The following CMTM6 variants were observed in gnomAD, a reference collection of about 807,000 sequenced individuals.
CMTM6 encodes CKLF like MARVEL transmembrane domain containing 6.
Under a neutral mutation model 13.6 loss-of-function variants are expected in CMTM6, and 5 were observed. The observed-to-expected ratio is 0.37, with a 90% CI of 0.19 to 0.77. CMTM6 has a LOEUF of 0.77. Among genes scored for constraint, CMTM6 ranks in the 30% least tolerant of loss-of-function variants. The pLI is 0.50. For synonymous variants in CMTM6, 99 were observed against 84.5 expected (o/e 1.17, Z -0.94); for missense variants, 196 against 218.6 (o/e 0.90, Z 0.65).
chr3:32,500,705 C>T (rs1697337215), intron 1 of CMTM6, among the ~76,000 whole-genome samples: 1 of 152,156 alleles, frequency 6.6e-6, no homozygotes, highest in Non-Finnish European at 1.5e-5. Flanking sequence ...TCTTCTATAA[C>T]AGCAATAAGG....
At chr3:32,495,712 T>C (rs897479154) in intron 1 of CMTM6, among the ~76,000 whole-genome samples, 29 of 152,194 alleles carry the variant, frequency 1.9e-4, no homozygotes, top group Non-Finnish European at 3.7e-4. Flanking sequence ...GCTTGTCTAC[T>C]TTCAGTAAAA....
intron 1 of CMTM6, among the ~76,000 whole-genome samples, chr3:32,495,395 T>G (rs181927794): frequency 4.6e-5 from 7 of 152,324 alleles, no homozygotes; most frequent in Admixed American, 3.9e-4. Flanking sequence ...TCTCCTATAA[T>G]CATACTTACA....
chr3:32,486,048 T>G (rs1697200948), intron 3 of CMTM6, among the ~76,000 whole-genome samples: 1 of 152,192 alleles, frequency 6.6e-6, no homozygotes, highest in Non-Finnish European at 1.5e-5. Flanking sequence ...CGGCTAAGTT[T>G]TGTATTTTTA....
chr3:32,501,093 G>A (rs903839056), intron 1 of CMTM6, among the ~76,000 whole-genome samples: 16 of 150,484 alleles, frequency 1.1e-4, no homozygotes, highest in South Asian at 4.2e-4. Context: ...CCAACTACTC[G>A]GCACGAGAAT....
rs1270257835 is a variant in CMTM6, at chr3:32,483,895, C to CT, written c.*64dup. 2 of 1,373,308 alleles carry CT rather than the reference C, an allele frequency of 1.5e-6. No individual in the cohort carries two copies. Among genetic ancestry groups the CT allele is most frequent in the East Asian group, 5.2e-5 (2 of 38,300 alleles). The allele number at this position is 1,373,308 out of a possible 1,614,324, so 85.1% of individuals were successfully genotyped here. A position where few individuals can be genotyped will look rare whatever the true frequency, so the allele number is the denominator to read the frequency against. On this transcript the variant is annotated 3_prime_UTR_variant, in exon 4 of 4. Coordinates refer to ENST00000205636, the MANE Select transcript of CMTM6 (RefSeq NM_017801.3). The stretch of plus-strand genomic sequence containing the variant: ...CAATTAACAAATTTTACAAGAGCTT[C>CT]TGCCAGGGCTCAGGCACCACAATGC...
At chr3:32,493,893 G>C (rs1697269156) in intron 1 of CMTM6, among the ~76,000 whole-genome samples, 1 of 152,186 alleles carries the variant, frequency 6.6e-6, no homozygotes, top group African/African-American at 2.4e-5. Flanking sequence ...GGTAGTCAGG[G>C]AGAGAAGCTC....
rs532129688 is a variant in CMTM6, at chr3:32,497,221, A to G, written c.139-5335T>C. 9.2e-3 allele frequency among the ~76,000 whole-genome samples: 1,398 copies of G among 151,824 alleles called. 11 individuals carry two copies. Among genetic ancestry groups the G allele is most frequent in the Non-Finnish European group, 0.015 (1,003 of 67,914 alleles). On this transcript the variant is annotated intron_variant, in intron 1 of 3. Coordinates refer to ENST00000205636, the MANE Select transcript of CMTM6 (RefSeq NM_017801.3). ...ACATGGTGAAACCCCGTCTCTACTA[A>G]AAATACAAAAAAAATTAGCCGGGCG... is the stretch of plus-strand genomic sequence containing the variant.
At chr3:32,491,660 C>T in intron 2 of CMTM6, 50 bp downstream of exon 2, 1 of 1,432,404 alleles carries the variant, frequency 7.0e-7, no homozygotes, top group Non-Finnish European at 9.4e-7. Flanking sequence ...AAAATTATGC[C>T]AGATTACAAA....
chr3:32,499,106 C>T (rs956936398), intron 1 of CMTM6, among the ~76,000 whole-genome samples: 1 of 152,042 alleles, frequency 6.6e-6, no homozygotes, highest in Admixed American at 6.6e-5. Flanking sequence ...ATTTAAAAAT[C>T]CATTGGTCTG....
rs576225781 is a variant in CMTM6 at position 32,489,379 on chromosome 3, G to A, written c.316-1343C>T. 1.6e-4 allele frequency among the ~76,000 whole-genome samples: 24 copies of A among 151,868 alleles called. 1 individual carries two copies. The highest frequency in any genetic ancestry group is 4.1e-4 in the African/African-American group (17 of 41,402). On this transcript the variant is annotated intron_variant, in intron 2 of 3. Transcript: ENST00000205636. ...TGTAAGAGGTTTTCTTGCCGGGCAC[G>A]GTGGTTCACACCTGTAATCCCAGCA...
Position 32,483,769 on chromosome 3 carries a change from A to T in CMTM6, c.*191T>A, listed in dbSNP as rs878525. On this transcript the variant is annotated 3_prime_UTR_variant, in exon 4 of 4. Transcript: ENST00000205636. ...AGTTTCAATTATTATTTAAAAAAAAATTTTTTTTAACTTATCTGGCCTACT... is the reference window on the plus strand; with the variant it reads ...AGTTTCAATTATTATTTAAAAAAAATTTTTTTTTAACTTATCTGGCCTACT... 10,358 of 416,422 alleles carry T rather than the reference A, an allele frequency of 0.025. 523 individuals carry two copies. Among genetic ancestry groups the T allele is most frequent in the East Asian group, 0.17 (4,147 of 24,788 alleles). The allele number at this position is 416,422 out of a possible 1,614,324, so 25.8% of individuals were successfully genotyped here.
At chr3:32,494,262 G>A (rs923515710) in intron 1 of CMTM6, among the ~76,000 whole-genome samples, 3 of 152,116 alleles carry the variant, frequency 2.0e-5, no homozygotes, top group Non-Finnish European at 2.9e-5. Context: ...GCTGAGGGCC[G>A]AAACCATCAA....
At position 32,483,843 on chromosome 3, in the gene CMTM6, C is replaced by G; in HGVS notation, c.*117G>C. The stretch of plus-strand genomic sequence containing the variant: ...ATAAAACTGCCTTCTTGACCTTCCC[C>G]TTGCTCTCCAAAAGAAGTGGTTTAA... On this transcript the variant is annotated 3_prime_UTR_variant, in exon 4 of 4. Coordinates refer to ENST00000205636, the MANE Select transcript of CMTM6 (RefSeq NM_017801.3). 1 of 1,073,698 alleles carries G rather than the reference C, an allele frequency of 9.3e-7. No homozygotes were observed. Among genetic ancestry groups the G allele is most frequent in the Non-Finnish European group, 1.3e-6 (1 of 798,156 alleles). 66.5% of individuals were successfully genotyped at this position (1,073,698 alleles called of 1,614,324 possible).
At chr3:32,492,775 T>C (rs540921062) in intron 1 of CMTM6, among the ~76,000 whole-genome samples, 1 of 152,342 alleles carries the variant, frequency 6.6e-6, no homozygotes, top group South Asian at 2.1e-4. Flanking sequence ...CATGTGTACC[T>C]TAAACATTTT....
rs770676510 is a variant in CMTM6 at position 32,488,041 on chromosome 3, G to GTTTC, written c.316-6_316-5insGAAA. 1.4e-4 allele frequency: 228 copies of GTTTC among 1,581,880 alleles called. 2 individuals carry two copies. The South Asian group carries it at 2.4e-3, about 17-fold the overall frequency. On this transcript the variant is annotated splice_polypyrimidine_tract_variant and splice_region_variant and intron_variant, in intron 2 of 3. Transcript: ENST00000205636. ...TCCCAAAGTAATATAAAAATCCTAT[G>GTTTC]CATACATACAAAACACAAAAGGAAT...
chr3:32,486,290 TC>T (rs1334621142), intron 3 of CMTM6, among the ~76,000 whole-genome samples: 1 of 152,182 alleles, frequency 6.6e-6, no homozygotes, highest in African/African-American at 2.4e-5. Context: ...CTGCTACCAG[TC>T]CAAGGCCATG....
chr3:32,483,906 C>G lies in CMTM6; in HGVS notation c.*54G>C. On this transcript the variant is annotated 3_prime_UTR_variant, in exon 4 of 4. Coordinates refer to ENST00000205636, the MANE Select transcript of CMTM6 (RefSeq NM_017801.3). ...TTTTACAAGAGCTTCTGCCAGGGCT[C>G]AGGCACCACAATGCAGGGTCACTAC... is the stretch of plus-strand genomic sequence containing the variant. 2 of 1,443,580 alleles carry G rather than the reference C, an allele frequency of 1.4e-6. No homozygotes were observed. Among genetic ancestry groups the G allele is most frequent in the Non-Finnish European group, 1.8e-6 (2 of 1,092,882 alleles). The allele number at this position is 1,443,580 out of a possible 1,614,324, so 89.4% of individuals were successfully genotyped here.
chr3:32,484,507 A>C (rs1358993962), intron 3 of CMTM6, among the ~76,000 whole-genome samples: 1 of 152,226 alleles, frequency 6.6e-6, no homozygotes, highest in Non-Finnish European at 1.5e-5. Flanking sequence ...GGTGAAAATG[A>C]AAAAAGTTAT....
At position 32,502,783 on chromosome 3, in the gene CMTM6, C is replaced by A; in HGVS notation, c.-38G>T. ...GGGAGCGCGGCGGCCGCAGCAACCGCGCCGTTGACTTCTCGGACTCCAGAA... is the reference window on the plus strand; with the variant it reads ...GGGAGCGCGGCGGCCGCAGCAACCGAGCCGTTGACTTCTCGGACTCCAGAA... On this transcript the variant is annotated 5_prime_UTR_variant, in exon 1 of 4. Transcript: ENST00000205636. 7.2e-7 allele frequency: 1 copy of A among 1,397,942 alleles called. No individual in the cohort carries two copies. The highest frequency in any genetic ancestry group is 1.5e-5 in the South Asian group (1 of 65,356). 86.6% of individuals were successfully genotyped at this position (1,397,942 alleles called of 1,614,324 possible). A position where few individuals can be genotyped will look rare whatever the true frequency, so the allele number is the denominator to read the frequency against.
Sources: gnomAD v4.1 joint callset for allele counts (sites outside exome capture counted in the v4.1 genomes callset) on GRCh38, gnomAD v4.1.1 for gene constraint, MANE v1.5 for transcripts, NCBI Gene and HGNC (gene_info 2026-07-23, HGNC 2026-07-21) for gene names.